The following GIPC2 variants were observed in gnomAD, a reference collection of about 807,000 sequenced individuals.
GIPC2 encodes GIPC PDZ domain containing family member 2.
GIPC2 carries 30 observed loss-of-function variants against 30.6 expected under a neutral mutation model. The observed-to-expected ratio is 0.98, with a 90% CI of 0.73 to 1.33. The LOEUF (loss-of-function observed/expected upper bound fraction) is 1.33. Ranked by LOEUF, GIPC2 falls within the 40% of genes most tolerant of loss-of-function variation. The pLI is 0.00. For missense variants in GIPC2, 414 were observed against 390.3 expected, an observed-to-expected ratio of 1.06 and a Z score of -0.51; for synonymous variants, 167 against 150.0, an observed-to-expected ratio of 1.11 and a Z score of -0.83.
At chr1:78,133,044 C>T (rs1463714692) in intron 5 of GIPC2, among the ~76,000 whole-genome samples, 2 of 152,170 alleles carry the variant, frequency 1.3e-5, no homozygotes, top group Non-Finnish European at 2.9e-5. Context: ...TACATCCTGG[C>T]TATGAGACCA....
intron 3 of GIPC2, among the ~76,000 whole-genome samples, chr1:78,107,039 CTCCCT>C (rs1166287639): frequency 6.6e-6 from 1 of 150,500 alleles, no homozygotes; most frequent in Non-Finnish European, 1.5e-5. Flanking sequence ...CCCTCCCTCC[CTCCCT>C]TCCCTTCCTT....
intron 3 of GIPC2, among the ~76,000 whole-genome samples, chr1:78,113,301 C>G (rs940776124): frequency 6.6e-6 from 1 of 152,184 alleles, no homozygotes; most frequent in Non-Finnish European, 1.5e-5. Flanking sequence ...CTCAAACTCC[C>G]AGGCTTAGAT....
intron 1 of GIPC2, among the ~76,000 whole-genome samples, chr1:78,064,372 A>G (rs984759089): frequency 2.0e-5 from 3 of 152,194 alleles, no homozygotes; most frequent in Non-Finnish European, 4.4e-5. Flanking sequence ...AGAATCCTTG[A>G]CCCATGCCCT....
intron 3 of GIPC2, among the ~76,000 whole-genome samples, chr1:78,109,204 T>A (rs1171508481): frequency 6.6e-6 from 1 of 152,220 alleles, no homozygotes; most frequent in Non-Finnish European, 1.5e-5. Context: ...GCAAAAGTCC[T>A]GAGATTTATT....
rs1301531518 is a variant in GIPC2 at position 78,062,760 on chromosome 1, C to T, written c.240+16426C>T. Among the ~76,000 whole-genome samples the T allele has an allele frequency of 3.9e-5, 6 of 152,146 alleles. No individual in the cohort carries two copies. The South Asian group carries it at 6.2e-4, about 16-fold the overall frequency. On this transcript the variant is annotated intron_variant, in intron 1 of 5. Transcript: ENST00000370759. Reference sequence around the variant, plus strand: ...AACTCCTGAGCTCAGGTGGTCCACCCACCCAAAGTGCTGGGATTACATTCA... The same window carrying T: ...AACTCCTGAGCTCAGGTGGTCCACCTACCCAAAGTGCTGGGATTACATTCA...
At chr1:78,106,664 CA>C (rs1191009917) in intron 3 of GIPC2, among the ~76,000 whole-genome samples, 5 of 152,272 alleles carry the variant, frequency 3.3e-5, no homozygotes, top group Admixed American at 1.3e-4. Flanking sequence ...AAATACCTTA[CA>C]GTGGATTTTT....
At chr1:78,091,516 C>A in intron 2 of GIPC2, 2 of 733,236 alleles carry the variant, frequency 2.7e-6, no homozygotes, top group Admixed American at 1.8e-5. Context: ...CCAAAGGCAG[C>A]TCCAAACAGC....
intron 1 of GIPC2, among the ~76,000 whole-genome samples, chr1:78,051,943 T>A (rs1349419628): frequency 2.0e-5 from 3 of 152,220 alleles, no homozygotes; most frequent in Non-Finnish European, 4.4e-5. Context: ...AAAGTTGCTG[T>A]CTCTGAGATA....
At chr1:78,072,098 C>CT (rs1346220862) in intron 1 of GIPC2, among the ~76,000 whole-genome samples, 1 of 152,060 alleles carries the variant, frequency 6.6e-6, no homozygotes, top group African/African-American at 2.4e-5. Flanking sequence ...ATTTTCTCCT[C>CT]TAAACCTTTG....
intron 1 of GIPC2, among the ~76,000 whole-genome samples, chr1:78,079,587 G>A (rs537272967): frequency 6.6e-6 from 1 of 152,332 alleles, no homozygotes; most frequent in South Asian, 2.1e-4. Flanking sequence ...GGCTTGCAAT[G>A]CCTGTGGTGG....
chr1:78,071,109 A>G (rs1312415562), intron 1 of GIPC2, among the ~76,000 whole-genome samples: 1 of 152,188 alleles, frequency 6.6e-6, no homozygotes, highest in Non-Finnish European at 1.5e-5. Flanking sequence ...GACAAGATGA[A>G]GTCAAAGGCA....
chr1:78,078,517 C>T (rs867982744), intron 1 of GIPC2, among the ~76,000 whole-genome samples: 9 of 152,230 alleles, frequency 5.9e-5, no homozygotes, highest in Middle Eastern at 6.8e-3. Flanking sequence ...AACTAATGCC[C>T]TGCTTGCCAA....
chr1:78,106,192 G>A (rs535956432), intron 3 of GIPC2, among the ~76,000 whole-genome samples: 36 of 143,302 alleles, frequency 2.5e-4, no homozygotes, highest in African/African-American at 7.4e-4. Context: ...CTGAGATCGC[G>A]CCACTGCATT....
intron 2 of GIPC2, among the ~76,000 whole-genome samples, chr1:78,093,175 T>C (rs1380287394): frequency 6.6e-6 from 1 of 152,208 alleles, no homozygotes; most frequent in East Asian, 1.9e-4. Flanking sequence ...GTATAGATTA[T>C]TGAATTCTTT....
chr1:78,124,732 G>A (rs1414816718), intron 4 of GIPC2, among the ~76,000 whole-genome samples: 1 of 152,302 alleles, frequency 6.6e-6, no homozygotes, highest in African/African-American at 2.4e-5. Flanking sequence ...TTGGCTGGGC[G>A]TGATGGCTCA....
rs1456889314 is a variant in GIPC2 at position 78,106,149 on chromosome 1, C to T, written c.607+11017C>T. On this transcript the variant is annotated intron_variant, in intron 3 of 5. Coordinates refer to ENST00000370759, the MANE Select transcript of GIPC2 (RefSeq NM_017655.6). ...ACTTGGGAGGCTGAGGCAGGAGAAT[C>T]GCTTGAACCTGGGAGGCGGAGGTTG... Among the ~76,000 whole-genome samples the T allele has an allele frequency of 4.7e-5, 7 of 148,972 alleles. 1 individual carries two copies. The highest frequency in any genetic ancestry group is 3.5e-3 in the Middle Eastern group (1 of 286).
rs957239941 is a variant in GIPC2 at position 78,074,291 on chromosome 1, A to G, written c.241-6384A>G. On this transcript the variant is annotated intron_variant, in intron 1 of 5. Coordinates refer to ENST00000370759, the MANE Select transcript of GIPC2 (RefSeq NM_017655.6). ...CTCAGGCTAGAGTGTAGTAGCACAT[A>G]GCACATAGCTCACTGCAGTCTTGAA... Among the ~76,000 whole-genome samples, 36 of 152,316 alleles carry G rather than the reference A, an allele frequency of 2.4e-4. 1 individual carries two copies. Among genetic ancestry groups the G allele is most frequent in the African/African-American group, 8.2e-4 (34 of 41,572 alleles).
intron 3 of GIPC2, among the ~76,000 whole-genome samples, chr1:78,106,329 A>G (rs1662352791): frequency 6.6e-6 from 1 of 151,216 alleles, no homozygotes; most frequent in Non-Finnish European, 1.5e-5. Flanking sequence ...GGAGGCCGAG[A>G]TGGGCGGATC....
intron 2 of GIPC2, among the ~76,000 whole-genome samples, chr1:78,089,422 T>A (rs662330): frequency 0.92 from 139,394 of 152,324 alleles, 63,942 homozygotes; most frequent in African/African-American, 0.95. Context: ...TATTTTAATA[T>A]TAGTTCTAAC....
Sources: gnomAD v4.1 joint callset for allele counts (sites outside exome capture counted in the v4.1 genomes callset) on GRCh38, gnomAD v4.1.1 for gene constraint, MANE v1.5 for transcripts, NCBI Gene and HGNC (gene_info 2026-07-23, HGNC 2026-07-21) for gene names.